PAG1: variants seen among roughly 807,000 people sequenced by gnomAD.
The protein encoded by PAG1 is phosphoprotein associated with glycosphingolipid-enriched microdomains 1.
A neutral mutation model predicts 31.7 loss-of-function variants in PAG1; 23 were observed. The ratio of observed to expected loss-of-function variants is 0.73; its 90% CI spans 0.52 to 1.03. The LOEUF (loss-of-function observed/expected upper bound fraction) is 1.03, where lower values mean the gene tolerates loss of function less well. Ranked by LOEUF, PAG1 falls within the 50% of genes least tolerant of loss-of-function variation. PAG1 has a pLI of 0.00. For synonymous variants in PAG1, 214 were observed against 210.3 expected, an observed-to-expected ratio of 1.02 and a Z score of -0.15; for missense variants, 473 against 540.7, an observed-to-expected ratio of 0.87 and a Z score of 1.24.
chr8:81,000,555 C>T (rs917129027), intron 3 of PAG1, among the ~76,000 whole-genome samples: 2 of 152,180 alleles, frequency 1.3e-5, no homozygotes, highest in African/African-American at 4.8e-5. Flanking sequence ...GATTCCCTGC[C>T]TCAGCCTCCT....
At chr8:81,045,906 C>A (rs1449855206) in intron 2 of PAG1, among the ~76,000 whole-genome samples, 1 of 152,202 alleles carries the variant, frequency 6.6e-6, no homozygotes, top group African/African-American at 2.4e-5. Flanking sequence ...ATAAGGATCT[C>A]TCATGTCAGG....
chr8:80,992,713 C>T (rs1032109873), intron 4 of PAG1, among the ~76,000 whole-genome samples: 14 of 152,190 alleles, frequency 9.2e-5, no homozygotes, highest in East Asian at 1.9e-4. Flanking sequence ...TCCGAAATCA[C>T]GTAGCAGCAA....
At chr8:80,988,137 G>C (rs767443527) in intron 5 of PAG1, among the ~76,000 whole-genome samples, 1 of 150,860 alleles carries the variant, frequency 6.6e-6, no homozygotes, top group African/African-American at 2.4e-5. Flanking sequence ...CTTCCTGCCT[G>C]GTGACCTACA....
chr8:81,044,014 C>T (rs144421110), intron 2 of PAG1, among the ~76,000 whole-genome samples: 1 of 152,188 alleles, frequency 6.6e-6, no homozygotes, highest in African/African-American at 2.4e-5. Flanking sequence ...ATAAAGTAAA[C>T]AGCCCACAAG....
At chr8:81,106,169 C>T (rs941426296) in intron 1 of PAG1, among the ~76,000 whole-genome samples, 3 of 152,148 alleles carry the variant, frequency 2.0e-5, no homozygotes, top group African/African-American at 7.2e-5. Flanking sequence ...CCTCAGCCTT[C>T]CGAGTAGCTT....
intron 2 of PAG1, among the ~76,000 whole-genome samples, chr8:81,053,963 C>T (rs1420075620): frequency 6.6e-6 from 1 of 152,178 alleles, no homozygotes; most frequent in Non-Finnish European, 1.5e-5. Flanking sequence ...CTACTCACCT[C>T]TGACACTATT....
intron 1 of PAG1, among the ~76,000 whole-genome samples, chr8:81,109,878 C>T (rs775581635): frequency 6.6e-6 from 1 of 152,204 alleles, no homozygotes; most frequent in Non-Finnish European, 1.5e-5. Context: ...GCTCCATAGC[C>T]TGTCCTCCTA....
intron 2 of PAG1, chr8:81,058,675 T>A (rs1586194084): frequency 6.6e-6 from 1 of 151,914 alleles, no homozygotes; most frequent in African/African-American, 2.4e-5. Context: ...AGTGAAAGGA[T>A]CACTTGAGGC....
At chr8:81,006,593 T>TC (rs1399916141) in intron 3 of PAG1, among the ~76,000 whole-genome samples, 1 of 152,220 alleles carries the variant, frequency 6.6e-6, no homozygotes, top group Non-Finnish European at 1.5e-5. Flanking sequence ...CCAATGGGAT[T>TC]ACAAGACCTC....
At chr8:81,097,066 G>A (rs559119453) in intron 1 of PAG1, among the ~76,000 whole-genome samples, 1 of 152,314 alleles carries the variant, frequency 6.6e-6, no homozygotes, top group East Asian at 1.9e-4. Context: ...ACCTACAACA[G>A]ACAGGTATTA....
At chr8:81,007,193 A>G (rs1313713961) in intron 3 of PAG1, among the ~76,000 whole-genome samples, 2 of 152,142 alleles carry the variant, frequency 1.3e-5, no homozygotes, top group African/African-American at 2.4e-5. Flanking sequence ...TATATTAGAG[A>G]CATGTTGTGG....
intron 2 of PAG1, among the ~76,000 whole-genome samples, chr8:81,051,625 T>C (rs1366532132): frequency 2.0e-5 from 3 of 152,192 alleles, no homozygotes; most frequent in African/African-American, 7.2e-5. Context: ...AAACAGGTCA[T>C]AACAATTTTT....
intron 3 of PAG1, among the ~76,000 whole-genome samples, chr8:81,014,338 A>G (rs1237290765): frequency 6.6e-6 from 1 of 152,230 alleles, no homozygotes; most frequent in East Asian, 1.9e-4. Flanking sequence ...TATGTTAGGT[A>G]CTTCATTACA....
intron 1 of PAG1, among the ~76,000 whole-genome samples, chr8:81,075,825 A>C (rs1162647934): frequency 6.6e-6 from 1 of 152,204 alleles, no homozygotes; most frequent in Non-Finnish European, 1.5e-5. Context: ...GAGCATACAC[A>C]TAGTCACTAC....
chr8:81,074,759 GC>G (rs1349130082), intron 1 of PAG1, among the ~76,000 whole-genome samples: 1 of 152,122 alleles, frequency 6.6e-6, no homozygotes, highest in African/African-American at 2.4e-5. Flanking sequence ...TCTGCACCAT[GC>G]TGGCTCAATT....
intron 2 of PAG1, among the ~76,000 whole-genome samples, chr8:81,066,533 T>A: frequency 6.6e-6 from 1 of 152,170 alleles, no homozygotes; most frequent in East Asian, 1.9e-4. Flanking sequence ...TAGCATGCAA[T>A]AGACTTGAGC....
At position 81,006,255 on chromosome 8, in the gene PAG1, T is replaced by C. The variant is rs1807875584; in HGVS notation, c.-80-12948A>G. On this transcript the variant is annotated intron_variant, in intron 3 of 8. Coordinates refer to ENST00000220597, the MANE Select transcript of PAG1 (RefSeq NM_018440.4). ...ACCATGCCTGGCCAAGAATCTATAT[T>C]TTTATCTTGCATCCTAAGTGATTCC... Among the ~76,000 whole-genome samples the C allele has an allele frequency of 1.3e-5, 2 of 152,202 alleles. 1 individual carries two copies. Among genetic ancestry groups the C allele is most frequent in the South Asian group, 4.1e-4 (2 of 4,830 alleles).
chr8:81,082,374 A>C (rs1438937467), intron 1 of PAG1, among the ~76,000 whole-genome samples: 1 of 152,146 alleles, frequency 6.6e-6, no homozygotes, highest in African/African-American at 2.4e-5. Context: ...TAGTTCTGGG[A>C]ATCAAGACAT....
intron 2 of PAG1, among the ~76,000 whole-genome samples, chr8:81,054,170 A>G (rs1199830150): frequency 4.6e-5 from 7 of 152,196 alleles, no homozygotes; most frequent in African/African-American, 1.4e-4. Context: ...GCAAATTTCT[A>G]TGCTAAGAAA....
Sources: allele counts gnomAD v4.1 joint callset (sites outside exome capture counted in the v4.1 genomes callset), GRCh38; gene constraint gnomAD v4.1.1; transcripts MANE v1.5; gene names NCBI Gene and HGNC (gene_info 2026-07-23, HGNC 2026-07-21).